VAV3: variants seen among roughly 807,000 people sequenced by gnomAD.
VAV3 encodes the protein guanine nucleotide exchange factor VAV3.
In VAV3, 94 loss-of-function variants were observed where a neutral mutation model predicts 131.2. The ratio of observed to expected loss-of-function variants is 0.72; its 90% CI spans 0.61 to 0.85. The LOEUF is 0.85. VAV3 is among the 40% of genes least tolerant of loss of function. The probability of loss-of-function intolerance (pLI) is 0.00; values close to 1 mark genes in which losing one functional copy is unlikely to be tolerated. For synonymous variants in VAV3, 349 were observed against 342.0 expected (o/e 1.02, Z -0.22); for missense variants, 939 against 1,002.7 (o/e 0.94, Z 0.86).
chr1:107,640,869 C>T (rs558663069), intron 20 of VAV3, among the ~76,000 whole-genome samples: 1 of 152,096 alleles, frequency 6.6e-6, no homozygotes, highest in African/African-American at 2.4e-5. Context: ...TGGGAGGAGA[C>T]TGAGCATATT....
In VAV3 at chr1:107,578,974, T is replaced by C. The variant is rs753970726; in HGVS notation, c.2351-4776A>G. On this transcript the variant is annotated intron_variant, in intron 25 of 26. Coordinates refer to ENST00000370056, the MANE Select transcript of VAV3 (RefSeq NM_006113.5). ...CAATAGGTAGGTAAATTAGATAAGA[T>C]AACCTATCTGTAATCTTAAAATATC... 3.0e-5 allele frequency: 28 copies of C among 921,118 alleles called. 1 individual carries two copies. The highest frequency in any genetic ancestry group is 1.1e-3 in the Middle Eastern group (2 of 1,838). The allele number at this position is 921,118 out of a possible 1,614,324, so 57.1% of individuals were successfully genotyped here.
chr1:107,754,400 A>T (rs1293082055), intron 12 of VAV3, among the ~76,000 whole-genome samples: 1 of 152,212 alleles, frequency 6.6e-6, no homozygotes, highest in Non-Finnish European at 1.5e-5. Context: ...ACAATGTTTC[A>T]GAGAAAGCAG....
chr1:107,656,337 T>C (rs1656551487), intron 19 of VAV3, among the ~76,000 whole-genome samples: 1 of 152,290 alleles, frequency 6.6e-6, no homozygotes, highest in Non-Finnish European at 1.5e-5. Context: ...CTGGAGGTTA[T>C]TATGTTAAGT....
At chr1:107,877,156 C>T (rs143771772) in intron 1 of VAV3, among the ~76,000 whole-genome samples, 40 of 152,262 alleles carry the variant, frequency 2.6e-4, no homozygotes, top group African/African-American at 9.6e-4. Flanking sequence ...TCAGCACATG[C>T]AGTTACTGCT....
intron 2 of VAV3, among the ~76,000 whole-genome samples, chr1:107,848,483 C>G (rs969277820): frequency 2.0e-5 from 3 of 152,108 alleles, no homozygotes; most frequent in Admixed American, 1.3e-4. Flanking sequence ...CAACCAACCA[C>G]ATGATTATCT....
At chr1:107,713,794 T>C (rs906021314) in intron 15 of VAV3, among the ~76,000 whole-genome samples, 1 of 152,138 alleles carries the variant, frequency 6.6e-6, no homozygotes. Context: ...ACCAAAGTAT[T>C]ACTCAGTAAA....
intron 15 of VAV3, among the ~76,000 whole-genome samples, chr1:107,724,813 T>A (rs1661729595): frequency 6.6e-6 from 1 of 151,844 alleles, no homozygotes; most frequent in African/African-American, 2.4e-5. Context: ...TCAGTCTGGT[T>A]GCAACACTGG....
chr1:107,704,224 A>AT (rs1660309758), intron 17 of VAV3, among the ~76,000 whole-genome samples: 1 of 151,958 alleles, frequency 6.6e-6, no homozygotes, highest in Non-Finnish European at 1.5e-5. Context: ...TTGTTACTCT[A>AT]TTTTTTCGGC....
intron 15 of VAV3, among the ~76,000 whole-genome samples, chr1:107,708,517 T>C (rs1660588270): frequency 6.6e-6 from 1 of 152,184 alleles, no homozygotes; most frequent in Non-Finnish European, 1.5e-5. Flanking sequence ...GCAAGGAATG[T>C]TGACACTCTT....
chr1:107,644,051 C>T (rs1407653816), intron 19 of VAV3, among the ~76,000 whole-genome samples: 5 of 152,066 alleles, frequency 3.3e-5, no homozygotes, highest in Non-Finnish European at 5.9e-5. Flanking sequence ...CATTTCCCTA[C>T]CAGATGTTAT....
At chr1:107,710,594 T>C (rs868567089) in intron 15 of VAV3, among the ~76,000 whole-genome samples, 2 of 152,160 alleles carry the variant, frequency 1.3e-5, no homozygotes, top group African/African-American at 2.4e-5. Flanking sequence ...TTTTTCTCCA[T>C]GATACAACAA....
chr1:107,761,931 C>T (rs543179399), intron 9 of VAV3, among the ~76,000 whole-genome samples: 1 of 151,998 alleles, frequency 6.6e-6, no homozygotes, highest in Non-Finnish European at 1.5e-5. Context: ...CTCTTCTTTC[C>T]TAAAGGTTTA....
intron 2 of VAV3, 127 bp downstream of exon 2, chr1:107,874,774 T>A: frequency 1.3e-6 from 1 of 750,418 alleles, no homozygotes; most frequent in South Asian, 2.1e-5. Flanking sequence ...GCCATCTACA[T>A]GTGAAATTTA....
At chr1:107,963,706 G>C (rs549477246) in intron 1 of VAV3, 57 of 152,274 alleles carry the variant, frequency 3.7e-4, no homozygotes, top group African/African-American at 1.4e-3. Context: ...GTCAGGGAGA[G>C]GGCTCTGTCC....
intron 17 of VAV3, 145 bp downstream of exon 17, chr1:107,704,404 AT>A (rs1379027509): frequency 1.7e-6 from 1 of 597,970 alleles, no homozygotes; most frequent in African/African-American, 1.9e-5. Flanking sequence ...AATTTTAAGC[AT>A]TTTTCTAATT....
chr1:107,828,261 A>T (rs74906382), intron 2 of VAV3, among the ~76,000 whole-genome samples: 3,386 of 152,198 alleles, frequency 0.022, 122 homozygotes, highest in African/African-American at 0.077. Context: ...TCTGCCTTTC[A>T]AGCGTACAAG....
Position 107,660,553 on chromosome 1 carries a change from C to T in VAV3, c.1778-17798G>A, listed in dbSNP as rs143631668. Among the ~76,000 whole-genome samples, 1,193 of 152,310 alleles carry T rather than the reference C, an allele frequency of 7.8e-3. 13 individuals carry two copies. The highest frequency in any genetic ancestry group is 0.012 in the Non-Finnish European group (836 of 68,024). On this transcript the variant is annotated intron_variant, in intron 19 of 26. Transcript: ENST00000370056. ...CTGACAGACTGAAGCTTTCACTTTA[C>T]ACCCATTTTCCCTTTTATGGAACAC... is the stretch of plus-strand genomic sequence containing the variant.
intron 2 of VAV3, among the ~76,000 whole-genome samples, chr1:107,849,428 A>G (rs563431684): frequency 1.1e-4 from 16 of 152,172 alleles, no homozygotes; most frequent in African/African-American, 3.4e-4. Context: ...AACACCACAC[A>G]TCTACAGCCA....
chr1:107,876,115 C>A (rs1670485398), intron 1 of VAV3, among the ~76,000 whole-genome samples: 2 of 152,060 alleles, frequency 1.3e-5, no homozygotes, highest in South Asian at 4.1e-4. Context: ...GTAGGAAAAC[C>A]AGGAGATAGG....
Sources: gnomAD v4.1 joint callset for allele counts (sites outside exome capture counted in the v4.1 genomes callset) on GRCh38, gnomAD v4.1.1 for gene constraint, MANE v1.5 for transcripts, NCBI Gene and HGNC (gene_info 2026-07-23, HGNC 2026-07-21) for gene names.